The following SLC25A26 variants were observed in gnomAD, a reference collection of about 807,000 sequenced individuals.
SLC25A26 encodes mitochondrial S-adenosylmethionine carrier protein.
In SLC25A26, 36 loss-of-function variants were observed where a neutral mutation model predicts 37.8. The observed-to-expected ratio is 0.95, with a 90% confidence interval of 0.73 to 1.26. SLC25A26 has a LOEUF of 1.26. Ranked by LOEUF, SLC25A26 falls within the 50% of genes most tolerant of loss-of-function variation. The probability of loss-of-function intolerance (pLI) is 0.00; values close to 1 mark genes in which losing one functional copy is unlikely to be tolerated. For missense variants in SLC25A26, 390 were observed against 331.1 expected, an observed-to-expected ratio of 1.18 and a Z score of -1.38; for synonymous variants, 129 against 122.5, an observed-to-expected ratio of 1.05 and a Z score of -0.35.
intron 3 of SLC25A26, among the ~76,000 whole-genome samples, chr3:66,259,833 A>G (rs1392082586): frequency 2.6e-5 from 4 of 151,972 alleles, no homozygotes; most frequent in Admixed American, 1.3e-4. Flanking sequence ...CCCACTGACT[A>G]TGGAATGAAG....
intron 3 of SLC25A26, among the ~76,000 whole-genome samples, chr3:66,257,639 C>T (rs946181212): frequency 6.6e-6 from 1 of 152,196 alleles, no homozygotes; most frequent in Non-Finnish European, 1.5e-5. Context: ...TATTTCACTT[C>T]TTTGCTAGAT....
chr3:66,326,785 G>A (rs572558804), intron 5 of SLC25A26, among the ~76,000 whole-genome samples: 33 of 152,232 alleles, frequency 2.2e-4, no homozygotes, highest in East Asian at 5.8e-4. Context: ...AGCCTCCAGC[G>A]GAAAAAGAAT....
rs71105977 is a variant in SLC25A26 at position 66,281,996 on chromosome 3, A to ATTTTTTT, written c.453+18637_453+18643dup. 3.7e-4 allele frequency among the ~76,000 whole-genome samples: 24 copies of ATTTTTTT among 64,476 alleles called. 2 individuals carry two copies. Among genetic ancestry groups the ATTTTTTT allele is most frequent in the South Asian group, 9.1e-4 (2 of 2,196 alleles). The allele number at this position is 64,476 out of a possible 152,430, so 42.3% of individuals were successfully genotyped here. A position where few individuals can be genotyped will look rare whatever the true frequency, so the allele number is the denominator to read the frequency against. ...CACCACCACACCCAACTGATTTTGCATTTTTTTTTTTTTTTTTTTTTTTTT... is the reference window on the plus strand; with the variant it reads ...CACCACCACACCCAACTGATTTTGCATTTTTTTTTTTTTTTTTTTTTTTTTTTTTTTT... On this transcript the variant is annotated intron_variant, in intron 5 of 9. Transcript: ENST00000354883.
At chr3:66,222,142 A>G (rs2071525474) in intron 1 of SLC25A26, among the ~76,000 whole-genome samples, 2 of 151,840 alleles carry the variant, frequency 1.3e-5, no homozygotes, top group Admixed American at 1.3e-4. Context: ...TGAAACTTGT[A>G]TAAGGTAGGT....
intron 5 of SLC25A26, among the ~76,000 whole-genome samples, chr3:66,290,434 T>C (rs548497344): frequency 1.3e-5 from 2 of 152,358 alleles, no homozygotes; most frequent in South Asian, 4.1e-4. Flanking sequence ...TCATTCAATA[T>C]GATACAGGCT....
At chr3:66,205,614 C>CAGTT (rs2071166408) in intron 1 of SLC25A26, among the ~76,000 whole-genome samples, 1 of 152,198 alleles carries the variant, frequency 6.6e-6, no homozygotes, top group African/African-American at 2.4e-5. Flanking sequence ...AGCTGGGAGG[C>CAGTT]AGTTCAATTT....
At chr3:66,339,786 A>G (rs938974855) in intron 5 of SLC25A26, among the ~76,000 whole-genome samples, 1 of 151,978 alleles carries the variant, frequency 6.6e-6, no homozygotes, top group Non-Finnish European at 1.5e-5. Context: ...TGATTTGCAA[A>G]TATTTTCTCT....
chr3:66,373,551 G>A (rs1256923376), intron 9 of SLC25A26, among the ~76,000 whole-genome samples: 4 of 152,092 alleles, frequency 2.6e-5, no homozygotes, highest in Non-Finnish European at 4.4e-5. Flanking sequence ...TCTGCTGGCC[G>A]CCTGTCTAGC....
At chr3:66,268,895 T>C (rs947137410) in intron 5 of SLC25A26, among the ~76,000 whole-genome samples, 10 of 152,198 alleles carry the variant, frequency 6.6e-5, no homozygotes, top group African/African-American at 2.4e-4. Flanking sequence ...CGTGCCTTGC[T>C]TTCCCTTTGC....
chr3:66,232,641 A>G (rs1303552596), intron 1 of SLC25A26, among the ~76,000 whole-genome samples: 2 of 152,228 alleles, frequency 1.3e-5, no homozygotes, highest in Non-Finnish European at 2.9e-5. Flanking sequence ...TGAAATGAGG[A>G]AGATCAGATG....
intron 5 of SLC25A26, among the ~76,000 whole-genome samples, chr3:66,311,333 G>A (rs1284135227): frequency 6.6e-6 from 1 of 151,990 alleles, no homozygotes; most frequent in Admixed American, 6.6e-5. Flanking sequence ...GTGTTTTCCA[G>A]CTCCATCAGG....
Position 66,346,385 on chromosome 3 carries a change from T to A in SLC25A26, c.475T>A (p.Phe159Ile). ...LREIPFSLVQ[F>I]PLWESLKALW... Reference sequence around the variant, plus strand: ...TCAGATTCCTTTTTCTTTGGTCCAGTTTCCCTTATGGGAGTCCTTAAAAGT... The same window carrying A: ...TCAGATTCCTTTTTCTTTGGTCCAGATTCCCTTATGGGAGTCCTTAAAAGT... The change falls in exon 6 of 10, where the codon TTT becomes ATT. Residue 159 changes from phenylalanine (F) to isoleucine (I), a missense_variant. Physicochemically the swap from Phe to Ile is conservative, Grantham distance 21. Coordinates refer to ENST00000354883, the MANE Select transcript of SLC25A26 (RefSeq NM_001379210.1). The A allele has an allele frequency of 6.7e-7, 1 of 1,494,514 alleles. No individual in the cohort carries two copies. Among genetic ancestry groups the A allele is most frequent in the Non-Finnish European group, 8.9e-7 (1 of 1,119,068 alleles). 92.6% of individuals were successfully genotyped at this position (1,494,514 alleles called of 1,614,324 possible).
chr3:66,273,739 G>T (rs2074035385), intron 5 of SLC25A26, among the ~76,000 whole-genome samples: 1 of 152,118 alleles, frequency 6.6e-6, no homozygotes, highest in East Asian at 1.9e-4. Flanking sequence ...ACTGCTCAAT[G>T]AAATAAAAGA....
rs192306492 is a variant in SLC25A26 at position 66,284,748 on chromosome 3, T to C, written c.453+21369T>C. 1.7e-3 allele frequency among the ~76,000 whole-genome samples: 266 copies of C among 152,328 alleles called. 1 individual carries two copies. Among genetic ancestry groups the C allele is most frequent in the Non-Finnish European group, 2.9e-3 (196 of 68,016 alleles). ...TCATACACAGTTCAGAAGCAGTGCT[T>C]GCCACATTTTCAAATGGTGCAGCAA... On this transcript the variant is annotated intron_variant, in intron 5 of 9. Coordinates refer to ENST00000354883, the MANE Select transcript of SLC25A26 (RefSeq NM_001379210.1).
At chr3:66,201,481 G>C (rs36142526) in intron 1 of SLC25A26, among the ~76,000 whole-genome samples, 13 of 151,760 alleles carry the variant, frequency 8.6e-5, no homozygotes, top group Admixed American at 2.6e-4. Flanking sequence ...CTATGGGCAC[G>C]TGCCACTATA....
At chr3:66,334,813 T>C (rs1484970531) in intron 5 of SLC25A26, among the ~76,000 whole-genome samples, 2 of 152,028 alleles carry the variant, frequency 1.3e-5, no homozygotes, top group Non-Finnish European at 2.9e-5. Context: ...GACTGGGAAA[T>C]ACACGTGTGA....
rs538090656 is a variant in SLC25A26 at position 66,143,164 on chromosome 3, TAA to T, written c.-354+9192_-354+9193del. ...ACAATTTTCTTTCATGGCTGAATAA[TAA>T]AAAAAAAAAAATTGCCATTATCCAT... On this transcript the variant is annotated intron_variant, in intron 1 of 10. Transcript: ENST00000676754. Among the ~76,000 whole-genome samples the T allele has an allele frequency of 8.1e-3, 1,169 of 144,172 alleles. 14 individuals are homozygous for T. The highest frequency in any genetic ancestry group is 0.028 in the African/African-American group (1,107 of 39,642). 94.6% of individuals were successfully genotyped at this position (144,172 alleles called of 152,430 possible).
intron 3 of SLC25A26, among the ~76,000 whole-genome samples, chr3:66,254,219 A>C (rs2073212761): frequency 6.6e-6 from 1 of 152,356 alleles, no homozygotes; most frequent in Middle Eastern, 3.4e-3. Flanking sequence ...TATCAACAGA[A>C]GATGGCAGAC....
chr3:66,215,793 G>C (rs1250831121), intron 1 of SLC25A26, among the ~76,000 whole-genome samples: 4 of 152,036 alleles, frequency 2.6e-5, no homozygotes. Context: ...ATAGTTCCAG[G>C]AATATTTTTA....
Sources: allele counts gnomAD v4.1 joint callset (sites outside exome capture counted in the v4.1 genomes callset), GRCh38; gene constraint gnomAD v4.1.1; transcripts MANE v1.5; gene names NCBI Gene and HGNC (gene_info 2026-07-23, HGNC 2026-07-21).